EXOC6B: variants seen among roughly 807,000 people sequenced by gnomAD.
EXOC6B encodes SEC15 homolog B.
Under a neutral mutation model 113.5 loss-of-function variants are expected in EXOC6B, and 54 were observed. That is an observed-to-expected ratio of 0.48 (90% CI 0.38 to 0.60). The LOEUF (loss-of-function observed/expected upper bound fraction) is 0.60, where lower values mean the gene tolerates loss of function less well. Ranked by LOEUF, EXOC6B falls within the 20% of genes least tolerant of loss-of-function variation. The pLI is 0.00. For synonymous variants in EXOC6B, 357 were observed against 339.0 expected (o/e 1.05, Z -0.58); for missense variants, 797 against 977.5 (o/e 0.82, Z 2.46).
intron 11 of EXOC6B, among the ~76,000 whole-genome samples, chr2:72,504,726 A>T (rs748241448): frequency 6.6e-6 from 1 of 152,160 alleles, no homozygotes; most frequent in Non-Finnish European, 1.5e-5. Context: ...GTGTCTTATC[A>T]ATTTAAACTT....
intron 18 of EXOC6B, among the ~76,000 whole-genome samples, chr2:72,443,320 CAAA>C (rs61290907): frequency 1.1e-4 from 10 of 92,776 alleles, no homozygotes; most frequent in Admixed American, 1.2e-4. Context: ...GAGATTCTGT[CAAA>C]AAAAAAAAAA....
At chr2:72,693,139 T>C (rs1003668206) in intron 6 of EXOC6B, among the ~76,000 whole-genome samples, 1 of 152,156 alleles carries the variant, frequency 6.6e-6, no homozygotes, top group Admixed American at 6.5e-5. Flanking sequence ...TCCCTATATA[T>C]TCCCTGCCCC....
At chr2:72,524,332 A>C (rs995948955) in intron 8 of EXOC6B, among the ~76,000 whole-genome samples, 15 of 152,164 alleles carry the variant, frequency 9.9e-5, no homozygotes, top group African/African-American at 3.6e-4. Context: ...TAAAGATTAG[A>C]CTACAAAAAT....
chr2:72,597,666 A>G (rs1445325570), intron 6 of EXOC6B, among the ~76,000 whole-genome samples: 2 of 151,878 alleles, frequency 1.3e-5, no homozygotes, highest in Non-Finnish European at 1.5e-5. Context: ...ATAAAAAGAA[A>G]GACTCAGCTA....
At chr2:72,432,726 T>C (rs1005244846) in intron 18 of EXOC6B, among the ~76,000 whole-genome samples, 12 of 152,222 alleles carry the variant, frequency 7.9e-5, no homozygotes, top group Non-Finnish European at 1.8e-4. Context: ...TGTCTTCTTT[T>C]GAGAAGTGTC....
At chr2:72,401,049 A>C (rs1693113793) in intron 18 of EXOC6B, among the ~76,000 whole-genome samples, 3 of 152,062 alleles carry the variant, frequency 2.0e-5, no homozygotes, top group Admixed American at 2.0e-4. Context: ...CTAAGTGTCC[A>C]TCAACAGAAG....
chr2:72,467,592 T>A (rs1413152128), intron 17 of EXOC6B, among the ~76,000 whole-genome samples: 1 of 152,196 alleles, frequency 6.6e-6, no homozygotes, highest in East Asian at 1.9e-4. Context: ...ATGTTGAATA[T>A]TTTTTCATAT....
intron 18 of EXOC6B, among the ~76,000 whole-genome samples, chr2:72,428,641 G>A (rs549636442): frequency 2.6e-5 from 4 of 152,208 alleles, no homozygotes; most frequent in Non-Finnish European, 4.4e-5. Flanking sequence ...ACCAGGCTGA[G>A]TGGGTGGAAA....
chr2:72,650,548 C>T (rs1240276796), intron 6 of EXOC6B, among the ~76,000 whole-genome samples: 4 of 150,940 alleles, frequency 2.7e-5, no homozygotes, highest in Admixed American at 2.6e-4. Context: ...GAGCCGAGAT[C>T]GCGCCACTGC....
chr2:72,209,432 C>T (rs559482689), intron 20 of EXOC6B, among the ~76,000 whole-genome samples: 2 of 151,604 alleles, frequency 1.3e-5, no homozygotes, highest in South Asian at 2.1e-4. Flanking sequence ...GAGGATGGCT[C>T]GAGCCCGGGA....
chr2:72,253,615 G>C lies in EXOC6B; in HGVS notation c.2197-69428C>G, dbSNP rs77572115. ...AAGAACAGAAAACCAAACACCGCAT[G>C]TTCTCATTTTTATAAGTGGGAGCTA... On this transcript the variant is annotated intron_variant, in intron 20 of 21. Coordinates refer to ENST00000272427, the MANE Select transcript of EXOC6B (RefSeq NM_015189.3). 8.7e-3 allele frequency among the ~76,000 whole-genome samples: 1,331 copies of C among 152,240 alleles called. 9 individuals carry two copies. Among genetic ancestry groups the C allele is most frequent in the Non-Finnish European group, 0.014 (977 of 68,024 alleles).
chr2:72,225,594 A>G lies in EXOC6B; in HGVS notation c.2197-41407T>C, dbSNP rs116094700. 7.9e-3 allele frequency among the ~76,000 whole-genome samples: 1,203 copies of G among 152,332 alleles called. 12 individuals are homozygous for G. The highest frequency in any genetic ancestry group is 0.027 in the African/African-American group (1,126 of 41,558). On this transcript the variant is annotated intron_variant, in intron 20 of 21. Coordinates refer to ENST00000272427, the MANE Select transcript of EXOC6B (RefSeq NM_015189.3). ...TTGTCTATGGAGCAAGGTTAGAATT[A>G]AGACTTCTGTGTGAAGACAGGGCTC...
chr2:72,739,772 CTG>C (rs1681189440), intron 2 of EXOC6B, among the ~76,000 whole-genome samples: 1 of 152,062 alleles, frequency 6.6e-6, no homozygotes, highest in Non-Finnish European at 1.5e-5. Context: ...AATCAAAAGA[CTG>C]TTACCTCTAG....
intron 8 of EXOC6B, among the ~76,000 whole-genome samples, chr2:72,552,282 A>C (rs1021246064): frequency 6.6e-6 from 1 of 152,212 alleles, no homozygotes; most frequent in Non-Finnish European, 1.5e-5. Context: ...TTTTCTATAG[A>C]CTATTGGCTT....
At chr2:72,561,117 T>C (rs1655064050) in intron 7 of EXOC6B, among the ~76,000 whole-genome samples, 2 of 152,210 alleles carry the variant, frequency 1.3e-5, no homozygotes, top group East Asian at 1.9e-4. Context: ...AAATTTATTT[T>C]ATCTTGACAG....
intron 6 of EXOC6B, among the ~76,000 whole-genome samples, chr2:72,600,624 AT>A (rs1295861711): frequency 6.6e-6 from 1 of 152,042 alleles, no homozygotes; most frequent in African/African-American, 2.4e-5. Context: ...ATTTCAACAA[AT>A]AGATGATGGA....
chr2:72,721,917 G>T (rs1573688969), intron 5 of EXOC6B: 1 of 150,524 alleles, frequency 6.6e-6, no homozygotes, highest in South Asian at 2.1e-4. Context: ...ATGGATTTTT[G>T]CAGCAGGGAG....
intron 20 of EXOC6B, among the ~76,000 whole-genome samples, chr2:72,314,490 G>A (rs1687391141): frequency 6.6e-6 from 1 of 152,144 alleles, no homozygotes; most frequent in South Asian, 2.1e-4. Flanking sequence ...CAGAGACTTT[G>A]GCACCTGGCT....
intron 19 of EXOC6B, among the ~76,000 whole-genome samples, chr2:72,367,857 T>TA (rs1433039033): frequency 6.6e-6 from 1 of 152,156 alleles, no homozygotes; most frequent in Non-Finnish European, 1.5e-5. Context: ...GGACCAGCCC[T>TA]AGCCAAAGGA....
Sources: gnomAD v4.1 joint callset for allele counts (sites outside exome capture counted in the v4.1 genomes callset) on GRCh38, gnomAD v4.1.1 for gene constraint, MANE v1.5 for transcripts, NCBI Gene and HGNC (gene_info 2026-07-23, HGNC 2026-07-21) for gene names.